The following SDSL variants were observed in gnomAD, a reference collection of about 807,000 sequenced individuals.
SDSL encodes the protein serine dehydratase-like.
In SDSL, 26 loss-of-function variants were observed where a neutral mutation model predicts 27.6. The observed-to-expected ratio is 0.94, with a 90% CI of 0.69 to 1.31. The LOEUF is 1.31. Among genes scored for constraint, SDSL ranks in the 50% most tolerant of loss-of-function variants. The pLI is 0.00. For missense variants in SDSL, 431 were observed against 423.5 expected (o/e 1.02, Z -0.16); for synonymous variants, 196 against 180.6 (o/e 1.09, Z -0.69).
rs1957892929 is a variant in SDSL, at chr12:113,429,451, G to A, written c.354+152G>A. 4.5e-6 allele frequency: 4 copies of A among 888,084 alleles called. No homozygotes were observed. In the East Asian group the frequency reaches 8.1e-5, roughly 18 times the overall value. 55.0% of individuals were successfully genotyped at this position (888,084 alleles called of 1,614,324 possible). ...ATAGCTGAGCTGAGGGGGGAATGAG[G>A]TGGGATGGGTGTTGAGGGCTGGGAT... On this transcript the variant is annotated intron_variant, in intron 4 of 7. Transcript: ENST00000403593.
rs924714965 is a variant in SDSL at position 113,434,261 on chromosome 12, G to A, written c.443+39G>A. 8 of 1,488,686 alleles carry A rather than the reference G, an allele frequency of 5.4e-6. 1 individual carries two copies. The highest frequency in any genetic ancestry group is 1.8e-4 in the Middle Eastern group (1 of 5,678). 92.2% of individuals were successfully genotyped at this position (1,488,686 alleles called of 1,614,324 possible). A position where few individuals can be genotyped will look rare whatever the true frequency, so the allele number is the denominator to read the frequency against. On this transcript the variant is annotated intron_variant, in intron 5 of 7. Coordinates refer to ENST00000403593, the MANE Select transcript of SDSL (RefSeq NM_001304993.2). ...CCCTCTCCCCAGGAGTCCAGAGCTG[G>A]GAGACCTTCACTGAGTCAGGGTCCT...
chr12:113,433,188 G>C (rs111919895), intron 4 of SDSL, among the ~76,000 whole-genome samples: 2,351 of 152,296 alleles, frequency 0.015, 64 homozygotes, highest in African/African-American at 0.054. Flanking sequence ...TCTTCAGCCA[G>C]ATGGGAAATT....
Position 113,429,178 on chromosome 12 carries a change from C to G in SDSL, c.233C>G (p.Ala78Gly), listed in dbSNP as rs1957888062. ...VCSSGGNAGIAAAYAARKLGI... is the reference protein window; with the variant it reads ...VCSSGGNAGIGAAYAARKLGI... ...TGCACAGGGGGTAATGCGGGCATCG[C>G]TGCTGCCTATGCTGCTAGGAAGCTG... The change falls in exon 4 of 8, where the codon GCT becomes GGT. Residue 78 changes from alanine (A) to glycine (G), a missense_variant. By Grantham distance (60) the Ala-to-Gly change is moderately conservative. Transcript: ENST00000403593. 1 of 1,613,578 alleles carries G rather than the reference C, an allele frequency of 6.2e-7. No individual in the cohort carries two copies. The highest frequency in any genetic ancestry group is 1.3e-5 in the African/African-American group (1 of 74,918).
intron 1 of SDSL, chr12:113,426,241 C>G (rs1391324072): frequency 1.1e-5 from 5 of 455,834 alleles, no homozygotes; most frequent in African/African-American, 4.0e-5. Flanking sequence ...TCTGTAGGAA[C>G]TTTTCCTCTT....
intron 4 of SDSL, 46 bp downstream of exon 4, chr12:113,429,345 C>A: frequency 6.4e-7 from 1 of 1,570,830 alleles, no homozygotes; most frequent in Non-Finnish European, 8.7e-7. Flanking sequence ...GGCTGCTCTC[C>A]TTCACCTCAC....
At chr12:113,427,510 T>C (rs1200605302) in intron 1 of SDSL, among the ~76,000 whole-genome samples, 1 of 152,264 alleles carries the variant, frequency 6.6e-6, no homozygotes, top group Non-Finnish European at 1.5e-5. Context: ...ATGTCTTTCA[T>C]GATTGCTTTT....
At chr12:113,432,091 A>G (rs1238141621) in intron 4 of SDSL, among the ~76,000 whole-genome samples, 1 of 151,744 alleles carries the variant, frequency 6.6e-6, no homozygotes, top group Non-Finnish European at 1.5e-5. Flanking sequence ...GGGTTTCACC[A>G]TGTTGGCCAG....
Position 113,438,050 on chromosome 12 carries a change from G to C in SDSL, c.961G>C (p.Ala321Pro). 1 of 1,614,026 alleles carries C rather than the reference G, an allele frequency of 6.2e-7. No individual in the cohort carries two copies. Among genetic ancestry groups the C allele is most frequent in the East Asian group, 2.2e-5 (1 of 44,870 alleles). ...GNNINSRELQ[A>P]LKTHLGQV ...CAACATCAACAGCCGAGAGCTGCAG[G>C]CTTTGAAAACCCACCTGGGCCAGGT... Residue 321 changes from alanine to proline, a missense_variant, in exon 8 of 8, where the codon GCT becomes CCT. Coordinates refer to ENST00000403593, the MANE Select transcript of SDSL (RefSeq NM_001304993.2).
chr12:113,430,445 G>A (rs1010799243), intron 4 of SDSL, among the ~76,000 whole-genome samples: 6 of 152,162 alleles, frequency 3.9e-5, no homozygotes, highest in African/African-American at 1.2e-4. Context: ...ATTTGTTTCC[G>A]ATGCTTTGGG....
rs146593192 is a variant in SDSL, at chr12:113,427,874, A to T, written c.-21-88A>T. On this transcript the variant is annotated intron_variant, in intron 1 of 7. Coordinates refer to ENST00000403593, the MANE Select transcript of SDSL (RefSeq NM_001304993.2). ...GATGAAGTGAAGGGCACCTAAGCCAAGGGCTTTCTCCACCTTCCCCTCCCT... is the reference window on the plus strand; with the variant it reads ...GATGAAGTGAAGGGCACCTAAGCCATGGGCTTTCTCCACCTTCCCCTCCCT... The T allele has an allele frequency of 4.1e-4, 517 of 1,262,554 alleles. No homozygotes were observed. The African/African-American group carries it at 6.6e-3, about 16-fold the overall frequency. 78.2% of individuals were successfully genotyped at this position (1,262,554 alleles called of 1,614,324 possible).
Position 113,434,193 on chromosome 12 carries a change from T to C in SDSL, c.414T>C (p.Asn138=), listed in dbSNP as rs1339387794. The C allele has an allele frequency of 3.7e-6, 6 of 1,613,412 alleles. No individual in the cohort carries two copies. In the East Asian group the frequency reaches 1.1e-4, roughly 30 times the overall value. ...QELAKRDGWE[N]VPPFDHPLIW... ...TGGCCAAGAGGGACGGCTGGGAGAA[T>C]GTCCCCCCGTTTGACCACCCCCTAA... The change falls in exon 5 of 8, where the codon AAT becomes AAC. Residue 138 remains asparagine, a synonymous_variant. Coordinates refer to ENST00000403593, the MANE Select transcript of SDSL (RefSeq NM_001304993.2).
chr12:113,435,424 C>A lies in SDSL; in HGVS notation c.539C>A (p.Ala180Asp). The A allele has an allele frequency of 6.2e-7, 1 of 1,613,254 alleles. No individual in the cohort carries two copies. The highest frequency in any genetic ancestry group is 8.5e-7 in the Non-Finnish European group (1 of 1,179,656). Residue 180 changes from alanine (A) to aspartate (D), a missense_variant, in exon 6 of 8, where the codon GCC becomes GAC. Ala to Asp is a moderately radical substitution (Grantham distance 126). Transcript: ENST00000403593. The part of the protein sequence containing the change: ...VLAVGGGGLL[A>D]GVVAGLLEVG... The stretch of plus-strand genomic sequence containing the variant: ...GCAGTTGGGGGTGGGGGTCTCCTGG[C>A]CGGGGTGGTGGCTGGCCTGCTGGAG...
intron 4 of SDSL, among the ~76,000 whole-genome samples, chr12:113,432,208 GCTTCTTTCTTTCTTTCTTTCTTT>G (rs1196131896): frequency 6.7e-6 from 1 of 149,606 alleles, no homozygotes; most frequent in Non-Finnish European, 1.5e-5. Flanking sequence ...TTGTTTGTTT[GCTTCTTTCTTTCTTTCTTTCTTT>G]CTTTCTTTCT....
In SDSL at chr12:113,435,430, T is replaced by A; in HGVS notation, c.545T>A (p.Val182Glu). Residue 182 changes from valine (V) to glutamate (E), a missense_variant, in exon 6 of 8, where the codon GTG (valine) becomes GAG (glutamate). Physicochemically the swap from Val to Glu is moderately radical, Grantham distance 121 (BLOSUM62 -2). Transcript: ENST00000403593. Reference sequence around the variant, plus strand: ...GGGGGTGGGGGTCTCCTGGCCGGGGTGGTGGCTGGCCTGCTGGAGGTGGGC... The same window carrying A: ...GGGGGTGGGGGTCTCCTGGCCGGGGAGGTGGCTGGCCTGCTGGAGGTGGGC... ...AVGGGGLLAG[V>E]VAGLLEVGWQ... The A allele has an allele frequency of 6.2e-7, 1 of 1,613,072 alleles. No homozygotes were observed. Among genetic ancestry groups the A allele is most frequent in the Non-Finnish European group, 8.5e-7 (1 of 1,179,660 alleles).
chr12:113,430,885 T>A (rs1380150997), intron 4 of SDSL, among the ~76,000 whole-genome samples: 1 of 152,090 alleles, frequency 6.6e-6, no homozygotes, highest in Admixed American at 6.5e-5. Context: ...CTGGGCAACA[T>A]AGTAAGAGCA....
At chr12:113,428,569 A>T in intron 3 of SDSL, 110 bp downstream of exon 3, 1 of 871,344 alleles carries the variant, frequency 1.1e-6, no homozygotes, top group Non-Finnish European at 1.8e-6. Flanking sequence ...AGCCTCATCA[A>T]GGTCATTGAT....
chr12:113,437,814 G>A, intron 7 of SDSL, 72 bp from the exon 8 acceptor site: 26 of 1,375,336 alleles, frequency 1.9e-5, no homozygotes, highest in Non-Finnish European at 2.6e-5. Flanking sequence ...GATCTGCCGT[G>A]CCCAGGGCCT....
In SDSL at chr12:113,437,869, T is replaced by A; in HGVS notation, c.797-17T>A. 6.3e-7 allele frequency: 1 copy of A among 1,575,258 alleles called. No individual in the cohort carries two copies. The highest frequency in any genetic ancestry group is 8.6e-7 in the Non-Finnish European group (1 of 1,160,606). ...TTCTTCCCTTTCCTTCCTCTCTCCA[T>A]CCCCCGATCCTGGCAGATGATGAGC... On this transcript the variant is annotated splice_polypyrimidine_tract_variant and intron_variant, in intron 7 of 7. Coordinates refer to ENST00000403593, the MANE Select transcript of SDSL (RefSeq NM_001304993.2).
chr12:113,429,370 A>C, intron 4 of SDSL, 71 bp downstream of exon 4: 1 of 1,489,436 alleles, frequency 6.7e-7, no homozygotes. Flanking sequence ...CCCCTAAGAC[A>C]TCCTGTCTCC....
Sources: allele counts gnomAD v4.1 joint callset (sites outside exome capture counted in the v4.1 genomes callset), GRCh38; gene constraint gnomAD v4.1.1; transcripts MANE v1.5; gene names NCBI Gene and HGNC (gene_info 2026-07-23, HGNC 2026-07-21).